RBMS3: variants seen among roughly 807,000 people sequenced by gnomAD.
The protein encoded by RBMS3 is RNA binding motif single stranded interacting protein 3.
Under a neutral mutation model 66.8 loss-of-function variants are expected in RBMS3, and 27 were observed. The observed-to-expected ratio is 0.40, with a 90% CI of 0.30 to 0.56. The LOEUF is 0.56. Ranked by LOEUF, RBMS3 falls within the 20% of genes least tolerant of loss-of-function variation. The pLI is 0.40. For missense variants in RBMS3, 513 were observed against 549.5 expected (o/e 0.93, Z 0.66); for synonymous variants, 188 against 183.0 (o/e 1.03, Z -0.22).
chr3:29,419,624 T>C (rs2040620365), intron 1 of RBMS3, among the ~76,000 whole-genome samples: 1 of 152,202 alleles, frequency 6.6e-6, no homozygotes, highest in Non-Finnish European at 1.5e-5. Flanking sequence ...TATAGTAATA[T>C]AGTACATAGT....
intron 4 of RBMS3, among the ~76,000 whole-genome samples, chr3:29,653,559 G>C (rs2050215085): frequency 6.6e-6 from 1 of 152,146 alleles, no homozygotes; most frequent in Non-Finnish European, 1.5e-5. Context: ...CTGTGGACCA[G>C]AGTGAGGATG....
chr3:29,444,900 C>G (rs1046681748), intron 2 of RBMS3, among the ~76,000 whole-genome samples: 1 of 142,474 alleles, frequency 7.0e-6, no homozygotes, highest in Non-Finnish European at 1.5e-5. Flanking sequence ...ATCTCTGTCT[C>G]TGTCACTATC....
chr3:29,406,518 C>T (rs532825887), intron 1 of RBMS3, among the ~76,000 whole-genome samples: 2 of 152,318 alleles, frequency 1.3e-5, no homozygotes, highest in South Asian at 4.1e-4. Flanking sequence ...TAAACCACAT[C>T]ACAACTCCCC....
At chr3:29,753,773 C>T (rs928435474) in intron 5 of RBMS3, among the ~76,000 whole-genome samples, 7 of 151,870 alleles carry the variant, frequency 4.6e-5, no homozygotes, top group African/African-American at 1.7e-4. Context: ...TAAAAAAGAC[C>T]CAGTGAGAGG....
chr3:29,924,297 G>T (rs1327113384), intron 10 of RBMS3, among the ~76,000 whole-genome samples: 1 of 152,082 alleles, frequency 6.6e-6, no homozygotes, highest in African/African-American at 2.4e-5. Flanking sequence ...TCCCTTGCAG[G>T]TGCTTTTGAT....
chr3:29,995,922 A>C (rs1699197964), intron 14 of RBMS3, among the ~76,000 whole-genome samples: 1 of 152,090 alleles, frequency 6.6e-6, no homozygotes. Flanking sequence ...TAACAATATT[A>C]ACTTTAAATG....
intron 2 of RBMS3, among the ~76,000 whole-genome samples, chr3:29,475,653 C>T (rs1001107943): frequency 5.3e-5 from 8 of 152,118 alleles, no homozygotes; most frequent in Admixed American, 2.6e-4. Flanking sequence ...ATCTACTAGA[C>T]ATAAATATCC....
At chr3:29,479,886 G>C (rs1042883487) in intron 2 of RBMS3, among the ~76,000 whole-genome samples, 1 of 152,202 alleles carries the variant, frequency 6.6e-6, no homozygotes, top group Admixed American at 6.5e-5. Context: ...TACTGGTTGA[G>C]CTGACAAGCA....
At chr3:29,625,792 A>T (rs1345482065) in intron 4 of RBMS3, among the ~76,000 whole-genome samples, 1 of 152,152 alleles carries the variant, frequency 6.6e-6, no homozygotes, top group Non-Finnish European at 1.5e-5. Context: ...ATCAGCTTTG[A>T]CAGCTTTTTG....
At chr3:29,525,420 C>T (rs2045054623) in intron 3 of RBMS3, among the ~76,000 whole-genome samples, 1 of 152,234 alleles carries the variant, frequency 6.6e-6, no homozygotes, top group Non-Finnish European at 1.5e-5. Flanking sequence ...TTTGTCCACA[C>T]TCACTTCCTG....
intron 2 of RBMS3, among the ~76,000 whole-genome samples, chr3:29,440,073 T>C (rs2041559040): frequency 6.6e-6 from 1 of 152,242 alleles, no homozygotes; most frequent in South Asian, 2.1e-4. Flanking sequence ...ATATAAGTTA[T>C]ATTTTGTCCT....
At chr3:29,911,145 C>T (rs924947022) in intron 10 of RBMS3, among the ~76,000 whole-genome samples, 2 of 152,152 alleles carry the variant, frequency 1.3e-5, no homozygotes, top group East Asian at 1.9e-4. Context: ...GAGGAGGTAA[C>T]TCCTGAACTT....
chr3:29,625,068 C>T (rs1296254785), intron 4 of RBMS3, among the ~76,000 whole-genome samples: 2 of 152,074 alleles, frequency 1.3e-5, no homozygotes, highest in African/African-American at 2.4e-5. Flanking sequence ...GGCTGTTCCC[C>T]ACTCCCACCC....
intron 1 of RBMS3, among the ~76,000 whole-genome samples, chr3:29,284,883 T>TTTA (rs57025817): frequency 2.1e-5 from 3 of 146,132 alleles, no homozygotes; most frequent in Admixed American, 6.9e-5. Flanking sequence ...TTTTTTTTTT[T>TTTA]ACCAAAAGAA....
At chr3:29,915,363 A>G (rs75752634) in intron 10 of RBMS3, among the ~76,000 whole-genome samples, 2,319 of 151,962 alleles carry the variant, frequency 0.015, 55 homozygotes, top group African/African-American at 0.052. Context: ...TCCAATGGCC[A>G]ACTTGAAAAA....
At chr3:29,633,624 C>G (rs1324631456) in intron 4 of RBMS3, among the ~76,000 whole-genome samples, 1 of 151,704 alleles carries the variant, frequency 6.6e-6, no homozygotes, top group African/African-American at 2.4e-5. Flanking sequence ...GGGCACAAAC[C>G]TGTTTCTACC....
chr3:29,474,363 G>T (rs902408181), intron 2 of RBMS3, among the ~76,000 whole-genome samples: 3 of 152,076 alleles, frequency 2.0e-5, no homozygotes, highest in African/African-American at 7.2e-5. Flanking sequence ...CCAGTTTTAG[G>T]CTGCTGATGA....
At chr3:29,365,805 A>G (rs184570841) in intron 1 of RBMS3, among the ~76,000 whole-genome samples, 13 of 152,130 alleles carry the variant, frequency 8.5e-5, no homozygotes, top group Admixed American at 3.3e-4. Flanking sequence ...TTAGCTTCCA[A>G]TTTTTCTAGT....
At chr3:29,742,519 C>T (rs563090718) in intron 5 of RBMS3, among the ~76,000 whole-genome samples, 5 of 152,318 alleles carry the variant, frequency 3.3e-5, no homozygotes, top group Non-Finnish European at 5.9e-5. Context: ...CTTCTGCCTG[C>T]TCATCTCTCA....
Sources: gnomAD v4.1 joint callset for allele counts (sites outside exome capture counted in the v4.1 genomes callset) on GRCh38, gnomAD v4.1.1 for gene constraint, MANE v1.5 for transcripts, NCBI Gene and HGNC (gene_info 2026-07-23, HGNC 2026-07-21) for gene names.